VTI1A: variants seen among roughly 807,000 people sequenced by gnomAD.
VTI1A encodes vesicle transport through interaction with t-SNAREs 1A, also known as vesicle transport through interaction with t-SNAREs homolog 1A.
Under a neutral mutation model 34.9 loss-of-function variants are expected in VTI1A, and 22 were observed. The ratio of observed to expected loss-of-function variants is 0.63; its 90% CI spans 0.45 to 0.90. The LOEUF is 0.90. VTI1A is among the 40% of genes least tolerant of loss of function. The probability of loss-of-function intolerance (pLI) is 0.00; values close to 1 mark genes in which losing one functional copy is unlikely to be tolerated. For missense variants in VTI1A, 268 were observed against 275.6 expected, an observed-to-expected ratio of 0.97 and a Z score of 0.20; for synonymous variants, 87 against 97.3, an observed-to-expected ratio of 0.89 and a Z score of 0.62.
chr10:112,657,581 A>T (rs1271834153), intron 5 of VTI1A, among the ~76,000 whole-genome samples: 1 of 152,134 alleles, frequency 6.6e-6, no homozygotes, highest in East Asian at 1.9e-4. Flanking sequence ...CCCCTACCTC[A>T]CACATATATA....
At chr10:112,768,399 G>A (rs1851707207) in intron 7 of VTI1A, among the ~76,000 whole-genome samples, 1 of 152,182 alleles carries the variant, frequency 6.6e-6, no homozygotes, top group Admixed American at 6.5e-5. Flanking sequence ...AGCTTTGCAA[G>A]TTGGCCTTCT....
intron 5 of VTI1A, among the ~76,000 whole-genome samples, chr10:112,634,714 G>C (rs1455032172): frequency 6.6e-6 from 1 of 151,816 alleles, no homozygotes; most frequent in African/African-American, 2.4e-5. Flanking sequence ...AATCTTCTAC[G>C]TAATTATCTT....
At chr10:112,630,053 T>C (rs1280064823) in intron 5 of VTI1A, among the ~76,000 whole-genome samples, 1 of 152,232 alleles carries the variant, frequency 6.6e-6, no homozygotes, top group Admixed American at 6.5e-5. Flanking sequence ...TAAAGGTGTT[T>C]GTTTTTTTCT....
At chr10:112,505,456 AT>A (rs1273536147) in intron 3 of VTI1A, among the ~76,000 whole-genome samples, 1 of 152,112 alleles carries the variant, frequency 6.6e-6, no homozygotes, top group African/African-American at 2.4e-5. Flanking sequence ...TTCCCTTCCA[AT>A]TTTATGCTTC....
chr10:112,519,493 G>GGTTT (rs371488939), intron 3 of VTI1A, among the ~76,000 whole-genome samples: 1 of 152,090 alleles, frequency 6.6e-6, no homozygotes, highest in Non-Finnish European at 1.5e-5. Context: ...AAAGAATAAA[G>GGTTT]GTTTGTTTGT....
intron 3 of VTI1A, among the ~76,000 whole-genome samples, chr10:112,481,474 G>A (rs1848454933): frequency 6.6e-6 from 1 of 152,112 alleles, no homozygotes; most frequent in African/African-American, 2.4e-5. Context: ...TTTCAAATTT[G>A]CAGTCTAACT....
downstream of VTI1A, among the ~76,000 whole-genome samples, chr10:112,819,215 C>T (rs1211838903): frequency 1.3e-5 from 2 of 152,144 alleles, no homozygotes; most frequent in African/African-American, 4.8e-5. Context: ...AGTTTGTCTA[C>T]GTAGTGGAGA....
At chr10:112,649,591 C>T (rs1234462468) in intron 5 of VTI1A, among the ~76,000 whole-genome samples, 1 of 152,102 alleles carries the variant, frequency 6.6e-6, no homozygotes, top group Non-Finnish European at 1.5e-5. Context: ...AGAGGAAAAC[C>T]CATCTGCCTT....
At chr10:112,573,682 G>A (rs1243164379) in intron 5 of VTI1A, among the ~76,000 whole-genome samples, 1 of 152,002 alleles carries the variant, frequency 6.6e-6, no homozygotes, top group African/African-American at 2.4e-5. Context: ...ATTTCTTCTG[G>A]ACACCTCCGT....
At chr10:112,676,292 A>C (rs1335239895) in intron 7 of VTI1A, among the ~76,000 whole-genome samples, 1 of 152,006 alleles carries the variant, frequency 6.6e-6, no homozygotes, top group Non-Finnish European at 1.5e-5. Flanking sequence ...CTCACTCAGC[A>C]ATACTTCTTG....
chr10:112,626,410 A>ATG (rs1309937704), intron 5 of VTI1A, among the ~76,000 whole-genome samples: 5 of 53,848 alleles, frequency 9.3e-5, no homozygotes, highest in Non-Finnish European at 1.7e-4. Context: ...TGAATTTGAG[A>ATG]TATATAATCA....
chr10:112,546,176 C>G lies in VTI1A; in HGVS notation c.427+7846C>G, dbSNP rs541603328. On this transcript the variant is annotated intron_variant, in intron 5 of 7. Transcript: ENST00000393077. The stretch of plus-strand genomic sequence containing the variant: ...ATATGTGTGTATATATATACACACA[C>G]ACACATACGCACACACATATATATG... 2.7e-5 allele frequency among the ~76,000 whole-genome samples: 4 copies of G among 150,158 alleles called. 1 individual carries two copies. Among genetic ancestry groups the G allele is most frequent in the African/African-American group, 9.8e-5 (4 of 40,798 alleles).
chr10:112,533,868 TAAC>T (rs1850532591), intron 4 of VTI1A, among the ~76,000 whole-genome samples: 1 of 152,140 alleles, frequency 6.6e-6, no homozygotes, highest in Admixed American at 6.5e-5. Flanking sequence ...TTGTAGGCTG[TAAC>T]TTCAAGTTTA....
intron 5 of VTI1A, among the ~76,000 whole-genome samples, chr10:112,653,236 G>A (rs1170204316): frequency 1.3e-5 from 2 of 152,158 alleles, no homozygotes; most frequent in Admixed American, 6.5e-5. Flanking sequence ...GGAAGTCAGC[G>A]AGAATCAGCC....
intron 5 of VTI1A, among the ~76,000 whole-genome samples, chr10:112,639,051 A>T (rs913627716): frequency 7.2e-5 from 11 of 152,130 alleles, no homozygotes; most frequent in African/African-American, 2.2e-4. Context: ...GTATCAAGAA[A>T]TCCTACATCT....
chr10:112,558,263 A>G (rs1285498120), intron 5 of VTI1A, among the ~76,000 whole-genome samples: 1 of 152,224 alleles, frequency 6.6e-6, no homozygotes, highest in Non-Finnish European at 1.5e-5. Context: ...TACAGTAGAA[A>G]TTATTAAAAG....
chr10:112,753,210 A>T (rs1047653129), intron 7 of VTI1A, among the ~76,000 whole-genome samples: 3 of 151,918 alleles, frequency 2.0e-5, no homozygotes, highest in Non-Finnish European at 4.4e-5. Context: ...TTTTGAAAAA[A>T]TAATCCTTTG....
chr10:112,668,089 T>C (rs764959501), intron 5 of VTI1A, 129 bp from the exon 6 acceptor site: 7 of 643,122 alleles, frequency 1.1e-5, no homozygotes, highest in African/African-American at 1.8e-5. Flanking sequence ...AATACATGAA[T>C]TGAAATATGT....
chr10:112,630,675 A>G (rs1382408829), intron 5 of VTI1A, among the ~76,000 whole-genome samples: 2 of 152,242 alleles, frequency 1.3e-5, no homozygotes, highest in East Asian at 3.8e-4. Context: ...AGTAGCTTGT[A>G]GAGCTAATGG....
Sources: allele counts gnomAD v4.1 joint callset (sites outside exome capture counted in the v4.1 genomes callset), GRCh38; gene constraint gnomAD v4.1.1; transcripts MANE v1.5; gene names NCBI Gene and HGNC (gene_info 2026-07-23, HGNC 2026-07-21).